KLK3: variants seen among roughly 807,000 people sequenced by gnomAD.
KLK3 encodes prostate-specific antigen.
A neutral mutation model predicts 27.7 loss-of-function variants in KLK3; 23 were observed. The observed-to-expected ratio is 0.83, with a 90% confidence interval of 0.60 to 1.17. The LOEUF (loss-of-function observed/expected upper bound fraction) is 1.17, where lower values mean the gene tolerates loss of function less well. KLK3 is among the 50% of genes most tolerant of loss of function. The probability of loss-of-function intolerance (pLI) is 0.00; values close to 1 mark genes in which losing one functional copy is unlikely to be tolerated. For synonymous variants in KLK3, 142 were observed against 134.2 expected, an observed-to-expected ratio of 1.06 and a Z score of -0.40; for missense variants, 322 against 338.1, an observed-to-expected ratio of 0.95 and a Z score of 0.37.
intron 4 of KLK3, chr19:50,859,765 T>G: frequency 6.7e-7 from 1 of 1,482,590 alleles, no homozygotes; most frequent in Non-Finnish European, 9.0e-7. Context: ...CTGAAGTCCC[T>G]TCCCCACCGG....
chr19:50,859,802 T>C (rs1599996282), intron 4 of KLK3, 170 bp from the exon 5 acceptor site: 3 of 1,468,442 alleles, frequency 2.0e-6, no homozygotes, highest in East Asian at 4.9e-5. Flanking sequence ...TACCCCTCTG[T>C]TGGAATCCCT....
Position 50,858,411 on chromosome 19 carries a change from GA to G in KLK3, c.494-46del, listed in dbSNP as rs764107224. Reference sequence around the variant, plus strand: ...CTAGGTCTGAGGGAGGAGGGCCAAGGAACCAGGTGGGGTCCAGCCCACAACA... The same window carrying G: ...CTAGGTCTGAGGGAGGAGGGCCAAGGACCAGGTGGGGTCCAGCCCACAACA... On this transcript the variant is annotated intron_variant, in intron 3 of 4. Transcript: ENST00000326003. 3.1e-6 allele frequency: 5 copies of G among 1,611,962 alleles called. No homozygotes were observed. The East Asian group carries it at 1.1e-4, about 36-fold the overall frequency.
At chr19:50,858,390 G>A (rs2090162811) in intron 3 of KLK3, 69 bp from the exon 4 acceptor site, 3 of 1,608,960 alleles carry the variant, frequency 1.9e-6, no homozygotes, top group Admixed American at 1.7e-5. Context: ...GGACTCCTAG[G>A]TCTGAGGGAG....
At chr19:50,857,853 C>T (rs1288050885) in intron 2 of KLK3, 176 bp from the exon 3 acceptor site, 1 of 627,790 alleles carries the variant, frequency 1.6e-6, no homozygotes, top group Non-Finnish European at 2.7e-6. Context: ...TTCACCCTCT[C>T]ACACTGCTGT....
At chr19:50,857,981 T>C in intron 2 of KLK3, 48 bp from the exon 3 acceptor site, 1 of 1,556,632 alleles carries the variant, frequency 6.4e-7, no homozygotes, top group Non-Finnish European at 8.7e-7. Flanking sequence ...CCCTTCTCTC[T>C]TTCCTTATCA....
Position 50,857,179 on chromosome 19 carries a change from AAAAAG to A in KLK3, c.206+801_206+805del, listed in dbSNP as rs1174575419. On this transcript the variant is annotated intron_variant, in intron 2 of 4. Transcript: ENST00000326003. ...CTCCGCCTCAAAAAAAAAAAAAAAA[AAAAAG>A]AAAAGAAAAGAAAAGAAAAGGAAGT... Among the ~76,000 whole-genome samples the A allele has an allele frequency of 4.6e-3, 667 of 145,266 alleles. 9 individuals carry two copies. The highest frequency in any genetic ancestry group is 9.4e-3 in the South Asian group (44 of 4,692).
At chr19:50,857,109 G>A (rs1049379446) in intron 2 of KLK3, among the ~76,000 whole-genome samples, 5 of 142,456 alleles carry the variant, frequency 3.5e-5, no homozygotes, top group Non-Finnish European at 6.0e-5. Context: ...GTTGCAGTGA[G>A]CCGAGACCGT....
Position 50,859,997 on chromosome 19 carries a change from G to T in KLK3, c.656G>T (p.Cys219Phe), listed in dbSNP as rs746545348. ...CSGDSGGPLV[C>F]NGVLQGITSW... Reference sequence around the variant, plus strand: ...GGTGATTCTGGGGGCCCACTTGTCTGTAATGGTGTGCTTCAAGGTATCACG... The same window carrying T: ...GGTGATTCTGGGGGCCCACTTGTCTTTAATGGTGTGCTTCAAGGTATCACG... Residue 219 changes from cysteine to phenylalanine, a missense_variant, in exon 5 of 5, where the codon TGT becomes TTT. Coordinates refer to ENST00000326003, the MANE Select transcript of KLK3 (RefSeq NM_001648.2). 2 of 1,613,886 alleles carry T rather than the reference G, an allele frequency of 1.2e-6. No individual in the cohort carries two copies. The highest frequency in any genetic ancestry group is 1.7e-6 in the Non-Finnish European group (2 of 1,179,816).
intron 1 of KLK3, 34 bp downstream of exon 1, chr19:50,855,035 AG>A (rs1384992845): frequency 6.2e-7 from 1 of 1,609,934 alleles, no homozygotes; most frequent in Non-Finnish European, 8.5e-7. Flanking sequence ...GATGCAGGAG[AG>A]GGAGCCAGCC....
At chr19:50,856,184 G>A (rs1422837550) in intron 1 of KLK3, 56 bp from the exon 2 acceptor site, 3 of 1,498,728 alleles carry the variant, frequency 2.0e-6, no homozygotes, top group African/African-American at 2.8e-5. Context: ...TCCTATCCGA[G>A]TCCCCCAGTT....
At chr19:50,857,013 A>G (rs1324503847) in intron 2 of KLK3, among the ~76,000 whole-genome samples, 5 of 151,834 alleles carry the variant, frequency 3.3e-5, no homozygotes, top group Admixed American at 3.3e-4. Flanking sequence ...AATACAAAAA[A>G]TTAGCCAGGC....
chr19:50,856,217 C>T (rs1216699330), intron 1 of KLK3, 23 bp from the exon 2 acceptor site: 3 of 1,602,450 alleles, frequency 1.9e-6, no homozygotes, highest in Admixed American at 1.7e-5. Flanking sequence ...CCTGATTCCC[C>T]TGATCTAGCA....
chr19:50,858,589 C>T lies in KLK3; in HGVS notation c.624C>T (p.Thr208=). Residue 208 remains threonine (T), a synonymous_variant, in exon 4 of 5, where the codon ACC becomes ACT. Coordinates refer to ENST00000326003, the MANE Select transcript of KLK3 (RefSeq NM_001648.2). The part of the protein sequence containing the change: ...CAGRWTGGKS[T]CSGDSGGPLV... ...GACGCTGGACAGGGGGCAAAAGCAC[C>T]TGCTCGGTGAGTCATCCCTACTCCC... 6.2e-7 allele frequency: 1 copy of T among 1,614,144 alleles called. No homozygotes were observed. The highest frequency in any genetic ancestry group is 8.5e-7 in the Non-Finnish European group (1 of 1,180,018).
chr19:50,858,675 C>G, intron 4 of KLK3, 80 bp downstream of exon 4: 2 of 1,540,426 alleles, frequency 1.3e-6, no homozygotes, highest in South Asian at 1.2e-5. Flanking sequence ...TAGAAGCCAA[C>G]AAGGCGTCTG....
At chr19:50,855,024 G>A (rs748992058) in intron 1 of KLK3, 23 bp downstream of exon 1, 1 of 1,612,972 alleles carries the variant, frequency 6.2e-7, no homozygotes, top group South Asian at 1.1e-5. Context: ...ATGGTTGGGG[G>A]GATGCAGGAG....
chr19:50,856,548 T>C (rs2090148598), intron 2 of KLK3, 149 bp downstream of exon 2: 2 of 968,614 alleles, frequency 2.1e-6, no homozygotes, highest in Non-Finnish European at 3.0e-6. Context: ...GGAGGCAGGG[T>C]TGGGGCTGGA....
In KLK3 at chr19:50,860,294, G is replaced by T; in HGVS notation, c.*167G>T. 1.8e-6 allele frequency: 1 copy of T among 555,660 alleles called. No homozygotes were observed. Among genetic ancestry groups the T allele is most frequent in the Non-Finnish European group, 3.2e-6 (1 of 308,180 alleles). 34.4% of individuals were successfully genotyped at this position (555,660 alleles called of 1,614,324 possible). ...GTGTAGACCAGAGTGTTTCTTAAAT[G>T]GTGTAATTTTGTCCTCTCTGTGTCC... On this transcript the variant is annotated 3_prime_UTR_variant, in exon 5 of 5. Transcript: ENST00000326003.
At chr19:50,856,587 C>T in intron 2 of KLK3, 188 bp downstream of exon 2, 1 of 592,620 alleles carries the variant, frequency 1.7e-6, no homozygotes. Context: ...CCTGGGTCTC[C>T]ATCTGTGTTC....
At chr19:50,855,073 C>T (rs574224156) in intron 1 of KLK3, 72 bp downstream of exon 1, 2 of 1,540,782 alleles carry the variant, frequency 1.3e-6, no homozygotes, top group Non-Finnish European at 9.0e-7. Context: ...GGCTCTTTCC[C>T]CCCCAACCCA....
Sources: allele counts gnomAD v4.1 joint callset (sites outside exome capture counted in the v4.1 genomes callset), GRCh38; gene constraint gnomAD v4.1.1; transcripts MANE v1.5; gene names NCBI Gene and HGNC (gene_info 2026-07-23, HGNC 2026-07-21).